Variants in MGAT4C observed in about 807,000 individuals in gnomAD.
MGAT4C encodes MGAT4 family member C.
Under a neutral mutation model 40.1 loss-of-function variants are expected in MGAT4C, and 19 were observed. The ratio of observed to expected loss-of-function variants is 0.47; its 90% CI spans 0.33 to 0.70. The LOEUF is 0.70. MGAT4C is among the 30% of genes least tolerant of loss of function. The probability of loss-of-function intolerance (pLI) is 0.02; values close to 1 mark genes in which losing one functional copy is unlikely to be tolerated. For synonymous variants in MGAT4C, 181 were observed against 187.1 expected (o/e 0.97, Z 0.27); for missense variants, 491 against 563.2 (o/e 0.87, Z 1.30).
chr12:86,086,933 T>C (rs1871959152), intron 1 of MGAT4C, among the ~76,000 whole-genome samples: 3 of 152,140 alleles, frequency 2.0e-5, no homozygotes, highest in Admixed American at 2.0e-4. Context: ...CTTGTTTTCC[T>C]ATGCCTGGTT....
At chr12:86,566,860 T>C (rs1960150098) in intron 2 of MGAT4C, among the ~76,000 whole-genome samples, 1 of 151,172 alleles carries the variant, frequency 6.6e-6, no homozygotes, top group South Asian at 2.1e-4. Flanking sequence ...CTACCATCCA[T>C]GGAATCACAG....
intron 3 of MGAT4C, 87 bp from the exon 4 acceptor site, chr12:85,983,757 A>T (rs1884896799): frequency 9.1e-7 from 1 of 1,101,010 alleles, no homozygotes; most frequent in Non-Finnish European, 1.3e-6. Context: ...CAATAAATGT[A>T]CGACTACAAT....
At chr12:86,594,983 C>T (rs1961476783) in intron 2 of MGAT4C, among the ~76,000 whole-genome samples, 1 of 152,152 alleles carries the variant, frequency 6.6e-6, no homozygotes, top group Admixed American at 6.5e-5. Context: ...ACACGGTCCT[C>T]AGAGCCCCGT....
chr12:86,635,723 G>A (rs1963198929), intron 2 of MGAT4C, among the ~76,000 whole-genome samples: 1 of 151,634 alleles, frequency 6.6e-6, no homozygotes, highest in South Asian at 2.1e-4. Flanking sequence ...GCCCAGGCTG[G>A]AGTTCCACGG....
At chr12:86,039,217 G>C (rs566369838) in intron 2 of MGAT4C, among the ~76,000 whole-genome samples, 1 of 152,200 alleles carries the variant, frequency 6.6e-6, no homozygotes, top group African/African-American at 2.4e-5. Context: ...TCTTTTCGAG[G>C]AGTATCTTTG....
At chr12:86,023,073 A>C (rs776513202) in intron 2 of MGAT4C, among the ~76,000 whole-genome samples, 15 of 152,174 alleles carry the variant, frequency 9.9e-5, no homozygotes, top group Non-Finnish European at 2.1e-4. Context: ...AAATAGTTTA[A>C]GTTAATACAT....
intron 3 of MGAT4C, among the ~76,000 whole-genome samples, chr12:86,388,441 G>A (rs1022916489): frequency 2.0e-5 from 3 of 151,954 alleles, no homozygotes; most frequent in Non-Finnish European, 4.4e-5. Context: ...CATATGTAAA[G>A]AAGCATTGAT....
chr12:86,566,570 A>ATATGTATATG (rs772676488), intron 2 of MGAT4C, among the ~76,000 whole-genome samples: 4 of 39,480 alleles, frequency 1.0e-4, no homozygotes, highest in Non-Finnish European at 1.3e-4. Flanking sequence ...ATATATATAT[A>ATATGTATATG]TATATGTATA....
At chr12:86,395,039 G>A (rs1956233460) in intron 3 of MGAT4C, among the ~76,000 whole-genome samples, 1 of 151,930 alleles carries the variant, frequency 6.6e-6, no homozygotes, top group Admixed American at 6.6e-5. Flanking sequence ...GAAACTATAT[G>A]TCTAAGAGCT....
intron 2 of MGAT4C, among the ~76,000 whole-genome samples, chr12:86,634,584 A>G (rs1565896268): frequency 6.6e-6 from 1 of 152,040 alleles, no homozygotes; most frequent in African/African-American, 2.4e-5. Flanking sequence ...TGGTTAGCTG[A>G]ATTCAGTGTC....
At chr12:86,435,324 T>C (rs1208514941) in intron 2 of MGAT4C, 1 of 151,944 alleles carries the variant, frequency 6.6e-6, no homozygotes, top group Admixed American at 6.6e-5. Context: ...TTCATCATGA[T>C]GGCACTTGCA....
chr12:86,129,503 C>T (rs553208894), intron 1 of MGAT4C, among the ~76,000 whole-genome samples: 65 of 147,570 alleles, frequency 4.4e-4, no homozygotes, highest in Non-Finnish European at 7.5e-4. Flanking sequence ...TCACGGGGAA[C>T]TGGGTTTGCT....
At chr12:86,126,745 T>C (rs572357857) in intron 1 of MGAT4C, among the ~76,000 whole-genome samples, 13 of 152,314 alleles carry the variant, frequency 8.5e-5, no homozygotes, top group Admixed American at 4.6e-4. Context: ...AGAAAATGCA[T>C]TGTTAGGCAA....
At chr12:86,759,039 C>T (rs1175319528) in intron 1 of MGAT4C, among the ~76,000 whole-genome samples, 1 of 151,994 alleles carries the variant, frequency 6.6e-6, no homozygotes, top group Non-Finnish European at 1.5e-5. Context: ...CATCATCCTC[C>T]CTCCCCGCTC....
chr12:86,217,164 CTTAT>C lies in MGAT4C; in HGVS notation c.-57+39071_-57+39074del, dbSNP rs552072386. 1.8e-3 allele frequency among the ~76,000 whole-genome samples: 281 copies of C among 151,922 alleles called. 1 individual carries two copies. The highest frequency in any genetic ancestry group is 6.6e-3 in the African/African-American group (272 of 41,500). Reference sequence around the variant, plus strand: ...TCAAAATGTTTCCCCTCTCCAGTTTCTTATTTATTTATTTATTTATTTATTTTTG... The same window carrying C: ...TCAAAATGTTTCCCCTCTCCAGTTTCTTATTTATTTATTTATTTATTTTTG... On this transcript the variant is annotated intron_variant, in intron 1 of 4. Transcript: ENST00000611864.
At chr12:86,706,313 G>C (rs1335844664) in intron 2 of MGAT4C, among the ~76,000 whole-genome samples, 3 of 152,092 alleles carry the variant, frequency 2.0e-5, no homozygotes, top group African/African-American at 7.2e-5. Context: ...TTTAACATAA[G>C]AATATCAATT....
At chr12:86,409,528 C>T (rs1024982489) in intron 3 of MGAT4C, among the ~76,000 whole-genome samples, 1 of 152,094 alleles carries the variant, frequency 6.6e-6, no homozygotes, top group Non-Finnish European at 1.5e-5. Context: ...AAAGTTTGCA[C>T]AAAAGACATC....
chr12:86,083,808 G>A (rs1217208286), intron 1 of MGAT4C, among the ~76,000 whole-genome samples: 1 of 152,046 alleles, frequency 6.6e-6, no homozygotes, highest in African/African-American at 2.4e-5. Context: ...GGTAGCTTAT[G>A]AGCAATATGA....
chr12:86,333,674 C>A (rs1482631278), intron 4 of MGAT4C, among the ~76,000 whole-genome samples: 1 of 151,850 alleles, frequency 6.6e-6, no homozygotes, highest in Non-Finnish European at 1.5e-5. Flanking sequence ...AAATATATGT[C>A]CTAAGTATTT....
Sources: allele counts gnomAD v4.1 joint callset (sites outside exome capture counted in the v4.1 genomes callset), GRCh38; gene constraint gnomAD v4.1.1; transcripts MANE v1.5; gene names NCBI Gene and HGNC (gene_info 2026-07-23, HGNC 2026-07-21).